Variants in CTSS observed in about 807,000 individuals in gnomAD.
CTSS encodes cathepsin S.
A neutral mutation model predicts 39.9 loss-of-function variants in CTSS; 15 were observed. The observed-to-expected ratio is 0.38, with a 90% CI of 0.25 to 0.58. CTSS has a LOEUF of 0.58. CTSS is among the 20% of genes least tolerant of loss of function. The pLI is 0.70. For missense variants in CTSS, 250 were observed against 398.2 expected (o/e 0.63, Z 3.17); for synonymous variants, 126 against 138.2 (o/e 0.91, Z 0.62).
chr1:150,757,482 A>G (rs1019243036), intron 3 of CTSS, among the ~76,000 whole-genome samples: 1 of 152,198 alleles, frequency 6.6e-6, no homozygotes, highest in Non-Finnish European at 1.5e-5. Flanking sequence ...AAATACCCAC[A>G]TTCTCCCATT....
chr1:150,739,917 A>C (rs1461280013), intron 7 of CTSS, among the ~76,000 whole-genome samples: 1 of 152,206 alleles, frequency 6.6e-6, no homozygotes, highest in African/African-American at 2.4e-5. Flanking sequence ...CCTCCAGTGC[A>C]ACCTATGCCA....
intron 3 of CTSS, among the ~76,000 whole-genome samples, chr1:150,755,743 GAA>G (rs1022985674): frequency 1.5e-5 from 2 of 133,542 alleles, no homozygotes. Context: ...CCATCTCAAA[GAA>G]AAAAAAAAAA....
At chr1:150,746,434 C>T (rs1218648614) in intron 7 of CTSS, among the ~76,000 whole-genome samples, 1 of 152,180 alleles carries the variant, frequency 6.6e-6, no homozygotes, top group Non-Finnish European at 1.5e-5. Flanking sequence ...GTGCCACCCA[C>T]TTAGTCTGTG....
intron 3 of CTSS, among the ~76,000 whole-genome samples, chr1:150,756,716 T>G (rs928427277): frequency 2.7e-5 from 4 of 150,936 alleles, no homozygotes; most frequent in Admixed American, 1.3e-4. Flanking sequence ...TTCTTTTTTT[T>G]TTTTTTTTTT....
At chr1:150,750,587 G>A (rs587733194) in intron 5 of CTSS, among the ~76,000 whole-genome samples, 129 of 152,252 alleles carry the variant, frequency 8.5e-4, no homozygotes, top group African/African-American at 3.0e-3. Flanking sequence ...GTGGGAAAAG[G>A]AAAGTTACAA....
At chr1:150,751,516 G>C (rs1653006417) in intron 5 of CTSS, among the ~76,000 whole-genome samples, 1 of 152,150 alleles carries the variant, frequency 6.6e-6, no homozygotes, top group African/African-American at 2.4e-5. Context: ...CCAAAGTGCT[G>C]AGATTATAGG....
At chr1:150,734,273 C>G (rs587607748) in intron 7 of CTSS, among the ~76,000 whole-genome samples, 1 of 151,840 alleles carries the variant, frequency 6.6e-6, no homozygotes, top group Non-Finnish European at 1.5e-5. Flanking sequence ...GTGATCTACC[C>G]GCCTCAGGCT....
At position 150,757,903 on chromosome 1, in the gene CTSS, C is replaced by T. The variant is rs1387836807; in HGVS notation, c.204G>A (p.Met68Ile). Residue 68 changes from methionine (M) to isoleucine (I), a missense_variant, in exon 3 of 8, where the codon ATG (methionine) becomes ATA (isoleucine). Transcript: ENST00000368985. ...FVMLHNLEHS[M>I]GMHSYDLGMN... ...TGCCCAGATCGTATGAGTGCATTCC[C>T]ATTGAATGCTCCAGGTTGTGAAGCA... 4 of 1,613,020 alleles carry T rather than the reference C, an allele frequency of 2.5e-6. No individual in the cohort carries two copies. The highest frequency in any genetic ancestry group is 3.4e-6 in the Non-Finnish European group (4 of 1,179,036).
At position 150,731,520 on chromosome 1, in the gene CTSS, TG is replaced by T. The variant is rs1652521269; in HGVS notation, c.*1525del. 6.6e-6 allele frequency: 1 copy of T among 152,250 alleles called. No homozygotes were observed. Among genetic ancestry groups the T allele is most frequent in the Non-Finnish European group, 1.5e-5 (1 of 68,046 alleles). 9.4% of individuals were successfully genotyped at this position (152,250 alleles called of 1,614,324 possible). A position where few individuals can be genotyped will look rare whatever the true frequency, so the allele number is the denominator to read the frequency against. The stretch of plus-strand genomic sequence containing the variant: ...ATTTAGCAATTCTTGTTCCTTAAAA[TG>T]TGCTTTATGGAGAAGGAGCCAGAGT... On this transcript the variant is annotated 3_prime_UTR_variant, in exon 8 of 8. Transcript: ENST00000368985.
chr1:150,747,281 T>C (rs991476480), intron 7 of CTSS, among the ~76,000 whole-genome samples: 5 of 152,110 alleles, frequency 3.3e-5, no homozygotes, highest in African/African-American at 9.7e-5. Flanking sequence ...TTTGGATGTA[T>C]TGAGTTTGGA....
At position 150,760,786 on chromosome 1, in the gene CTSS, G is replaced by A. The variant is rs587689420; in HGVS notation, c.127-2806C>T. ...CAGTCCCAGTTACTTGGAAGGCTGAGGCAAGAGAATCACTTGAGCTGGAGT... is the reference window on the plus strand; with the variant it reads ...CAGTCCCAGTTACTTGGAAGGCTGAAGCAAGAGAATCACTTGAGCTGGAGT... On this transcript the variant is annotated intron_variant, in intron 2 of 7. Transcript: ENST00000368985. Among the ~76,000 whole-genome samples, 8 of 152,090 alleles carry A rather than the reference G, an allele frequency of 5.3e-5. No individual in the cohort carries two copies. In the South Asian group the frequency reaches 1.7e-3, roughly 32 times the overall value.
chr1:150,744,646 T>C (rs1204322411), intron 7 of CTSS, among the ~76,000 whole-genome samples: 1 of 141,418 alleles, frequency 7.1e-6, no homozygotes, highest in East Asian at 2.0e-4. Context: ...TATGTATGCA[T>C]ACATAATATG....
intron 6 of CTSS, among the ~76,000 whole-genome samples, chr1:150,748,582 CTTT>C (rs745861762): frequency 7.3e-6 from 1 of 136,340 alleles, no homozygotes; most frequent in Non-Finnish European, 1.6e-5. Flanking sequence ...CAGATATTAG[CTTT>C]TTTTTTTTTT....
chr1:150,739,076 C>G (rs1652692692), intron 7 of CTSS, among the ~76,000 whole-genome samples: 2 of 152,074 alleles, frequency 1.3e-5, no homozygotes, highest in African/African-American at 4.8e-5. Context: ...TGCCTGTAAT[C>G]CCAGTTACTC....
chr1:150,750,454 A>G (rs1223236672), intron 5 of CTSS, among the ~76,000 whole-genome samples: 1 of 152,158 alleles, frequency 6.6e-6, no homozygotes, highest in Admixed American at 6.6e-5. Flanking sequence ...GTAGGGAAAT[A>G]TTACATAGAG....
intron 6 of CTSS, among the ~76,000 whole-genome samples, chr1:150,749,536 G>A (rs1056632896): frequency 2.0e-5 from 3 of 151,770 alleles, no homozygotes; most frequent in African/African-American, 7.3e-5. Context: ...TGGTTCATGA[G>A]GTTTAAAATT....
intron 7 of CTSS, among the ~76,000 whole-genome samples, chr1:150,734,325 C>G (rs1003903068): frequency 6.6e-5 from 10 of 151,810 alleles, no homozygotes; most frequent in African/African-American, 2.4e-4. Context: ...CCACGCCCGG[C>G]TGTATGGTCA....
chr1:150,748,094 A>G (rs1483230222), intron 6 of CTSS: 1 of 401,214 alleles, frequency 2.5e-6, no homozygotes, highest in African/African-American at 2.1e-5. Context: ...GATCGAGACC[A>G]TCCTGGCCAA....
chr1:150,745,563 G>T (rs1652877450), intron 7 of CTSS, among the ~76,000 whole-genome samples: 1 of 152,096 alleles, frequency 6.6e-6, no homozygotes, highest in African/African-American at 2.4e-5. Context: ...TTTGGTGGCT[G>T]ATGTGGGAGG....
Sources: allele counts gnomAD v4.1 joint callset (sites outside exome capture counted in the v4.1 genomes callset), GRCh38; gene constraint gnomAD v4.1.1; transcripts MANE v1.5; gene names NCBI Gene and HGNC (gene_info 2026-07-23, HGNC 2026-07-21).